The following NAALADL2 variants were observed in gnomAD, a reference collection of about 807,000 sequenced individuals.
NAALADL2 encodes the protein N-acetylated alpha-linked acidic dipeptidase like 2.
In NAALADL2, 76 loss-of-function variants were observed where a neutral mutation model predicts 87.2. The observed-to-expected ratio is 0.87, with a 90% CI of 0.72 to 1.05. The LOEUF (loss-of-function observed/expected upper bound fraction) is 1.05, where lower values mean the gene tolerates loss of function less well. Ranked by LOEUF, NAALADL2 falls within the 50% of genes least tolerant of loss-of-function variation. The pLI, the probability that NAALADL2 is intolerant of heterozygous loss-of-function variation, is 0.00. For missense variants in NAALADL2, 1,089 were observed against 945.8 expected, an observed-to-expected ratio of 1.15 and a Z score of -1.99; for synonymous variants, 354 against 331.0, an observed-to-expected ratio of 1.07 and a Z score of -0.75.
intron 5 of NAALADL2, among the ~76,000 whole-genome samples, chr3:175,441,110 TA>T (rs956966685): frequency 6.6e-6 from 1 of 151,954 alleles, no homozygotes; most frequent in Non-Finnish European, 1.5e-5. Context: ...AATTACACTA[TA>T]AAAAATATAC....
At chr3:175,334,876 C>T (rs955781537) in intron 5 of NAALADL2, among the ~76,000 whole-genome samples, 1 of 152,150 alleles carries the variant, frequency 6.6e-6, no homozygotes, top group Non-Finnish European at 1.5e-5. Context: ...GAAGATACGA[C>T]CTATCAGACT....
chr3:175,552,095 T>TA, intron 9 of NAALADL2, among the ~76,000 whole-genome samples: 1 of 150,394 alleles, frequency 6.6e-6, no homozygotes, highest in East Asian at 1.9e-4. Context: ...TAAAGCCATG[T>TA]AAAATATATA....
chr3:174,555,369 G>A (rs1339964582), intron 2 of NAALADL2, among the ~76,000 whole-genome samples: 2 of 152,078 alleles, frequency 1.3e-5, no homozygotes, highest in Non-Finnish European at 2.9e-5. Context: ...GCGCGATCTT[G>A]GCCCACTGCA....
At chr3:175,354,630 A>G (rs961392746) in intron 5 of NAALADL2, among the ~76,000 whole-genome samples, 1 of 152,010 alleles carries the variant, frequency 6.6e-6, no homozygotes, top group African/African-American at 2.4e-5. Flanking sequence ...TGAATTATTT[A>G]AACTTAACAT....
intron 2 of NAALADL2, among the ~76,000 whole-genome samples, chr3:175,117,562 T>C (rs1220765266): frequency 6.6e-6 from 1 of 151,008 alleles, no homozygotes; most frequent in Non-Finnish European, 1.5e-5. Flanking sequence ...AAAACCACAA[T>C]GAGGTACCAT....
intron 3 of NAALADL2, among the ~76,000 whole-genome samples, chr3:174,849,494 TG>T (rs1229057492): frequency 6.6e-6 from 1 of 152,134 alleles, no homozygotes; most frequent in Admixed American, 6.5e-5. Flanking sequence ...CCCAGCACTT[TG>T]GGGGGCCGAG....
chr3:174,895,085 C>T (rs950447146), intron 1 of NAALADL2, among the ~76,000 whole-genome samples: 1 of 151,738 alleles, frequency 6.6e-6, no homozygotes, highest in Non-Finnish European at 1.5e-5. Context: ...AGAGGAAAAA[C>T]TTTAAATAAA....
intron 5 of NAALADL2, among the ~76,000 whole-genome samples, chr3:175,442,735 G>C (rs919765779): frequency 9.9e-5 from 15 of 152,208 alleles, no homozygotes; most frequent in Non-Finnish European, 1.9e-4. Flanking sequence ...ATTACAAAGA[G>C]TGCATAACAT....
chr3:174,583,965 T>C (rs1351937752), intron 2 of NAALADL2, among the ~76,000 whole-genome samples: 1 of 152,180 alleles, frequency 6.6e-6, no homozygotes, highest in Non-Finnish European at 1.5e-5. Context: ...TAGGAAAGCT[T>C]CAACTCAGTT....
chr3:175,082,058 G>GTGTGTGTGTT (rs1005456416), intron 1 of NAALADL2, among the ~76,000 whole-genome samples: 1 of 151,962 alleles, frequency 6.6e-6, no homozygotes, highest in Non-Finnish European at 1.5e-5. Flanking sequence ...ATGTGTGTGT[G>GTGTGTGTGTT]TGTGTATGTG....
chr3:175,718,262 G>C, intron 11 of NAALADL2: 1 of 1,452,184 alleles, frequency 6.9e-7, no homozygotes, highest in South Asian at 1.1e-5. Context: ...GCGACTGAGG[G>C]AGTTTCATAT....
chr3:175,359,049 TA>T (rs1321086153), intron 5 of NAALADL2, among the ~76,000 whole-genome samples: 3 of 152,098 alleles, frequency 2.0e-5, no homozygotes, highest in Non-Finnish European at 4.4e-5. Context: ...AGTAACCAAT[TA>T]TTTTTTTAAC....
intron 2 of NAALADL2, among the ~76,000 whole-genome samples, chr3:174,668,799 A>G (rs1282062228): frequency 6.6e-6 from 1 of 152,022 alleles, no homozygotes; most frequent in Non-Finnish European, 1.5e-5. Context: ...TATGTGCCAC[A>G]TTTTCTTAAT....
At chr3:174,765,778 A>G (rs1255417242) in intron 3 of NAALADL2, among the ~76,000 whole-genome samples, 1 of 152,156 alleles carries the variant, frequency 6.6e-6, no homozygotes, top group Non-Finnish European at 1.5e-5. Flanking sequence ...TGTTTGCATT[A>G]TTTTTCATCA....
chr3:174,635,997 A>C (rs956468009), intron 2 of NAALADL2, among the ~76,000 whole-genome samples: 1 of 152,132 alleles, frequency 6.6e-6, no homozygotes, highest in African/African-American at 2.4e-5. Context: ...TTTACTGTCC[A>C]TAATATTCAT....
At chr3:175,304,044 G>A (rs745794961) in intron 4 of NAALADL2, among the ~76,000 whole-genome samples, 10 of 151,758 alleles carry the variant, frequency 6.6e-5, no homozygotes, top group Non-Finnish European at 1.2e-4. Context: ...TGAGAGAAAG[G>A]TAAAAGACCT....
At chr3:175,741,046 A>G (rs1320602891) in intron 12 of NAALADL2, among the ~76,000 whole-genome samples, 2 of 152,152 alleles carry the variant, frequency 1.3e-5, no homozygotes, top group Non-Finnish European at 2.9e-5. Context: ...GAATTGCTGG[A>G]CTGATTTTCT....
chr3:174,793,979 A>G (rs866812468), intron 3 of NAALADL2, among the ~76,000 whole-genome samples: 1 of 152,140 alleles, frequency 6.6e-6, no homozygotes. Context: ...TTTATAAGAA[A>G]GAAAAATAAA....
chr3:174,905,177 TC>T (rs1732819275), intron 1 of NAALADL2, among the ~76,000 whole-genome samples: 1 of 150,948 alleles, frequency 6.6e-6, no homozygotes, highest in Non-Finnish European at 1.5e-5. Context: ...TCTAATTTTT[TC>T]ACATTCTAAT....
Sources: allele counts gnomAD v4.1 joint callset (sites outside exome capture counted in the v4.1 genomes callset), GRCh38; gene constraint gnomAD v4.1.1; transcripts MANE v1.5; gene names NCBI Gene and HGNC (gene_info 2026-07-23, HGNC 2026-07-21).